The following ZNF326 variants were observed in gnomAD, a reference collection of about 807,000 sequenced individuals.
The protein encoded by ZNF326 is zinc finger protein 326.
A neutral mutation model predicts 63.1 loss-of-function variants in ZNF326; 30 were observed. The ratio of observed to expected loss-of-function variants is 0.48; its 90% CI spans 0.36 to 0.64. The LOEUF (loss-of-function observed/expected upper bound fraction) is 0.64, where lower values mean the gene tolerates loss of function less well. ZNF326 is among the 30% of genes least tolerant of loss of function. ZNF326 has a pLI of 0.00. For synonymous variants in ZNF326, 194 were observed against 228.2 expected (o/e 0.85, Z 1.35); for missense variants, 609 against 720.3 (o/e 0.85, Z 1.77).
chr1:90,020,372 C>G (rs979589172), intron 9 of ZNF326, among the ~76,000 whole-genome samples: 1 of 152,076 alleles, frequency 6.6e-6, no homozygotes, highest in Admixed American at 6.5e-5. Context: ...AAACCCCGGT[C>G]ACCATTTGCA....
Position 90,010,112 on chromosome 1 carries a change from C to T in ZNF326, c.640C>T (p.His214Tyr), listed in dbSNP as rs1649164103. Residue 214 changes from histidine (H) to tyrosine (Y), a missense_variant, in exon 6 of 12, where the codon CAT (histidine) becomes TAT (tyrosine). His to Tyr is a moderately conservative substitution (Grantham distance 83). Coordinates refer to ENST00000340281, the MANE Select transcript of ZNF326 (RefSeq NM_182976.4). ...GCATATGGGTGATTTTGGAAGCATTCATAGACCCGGAATTGTTGTTGACTA... is the reference window on the plus strand; with the variant it reads ...GCATATGGGTGATTTTGGAAGCATTTATAGACCCGGAATTGTTGTTGACTA... ...RGHMGDFGSI[H>Y]RPGIVVDYQN... The T allele has an allele frequency of 3.7e-6, 6 of 1,613,724 alleles. No homozygotes were observed. The highest frequency in any genetic ancestry group is 5.1e-6 in the Non-Finnish European group (6 of 1,179,768).
rs910274563 is a variant in ZNF326, at chr1:90,013,297, A to G, written c.926+60A>G. ...AAAAATGATTTCCTAGAAAAAGCCAACACATCAATTGTAATATTAAAAAGT... is the reference window on the plus strand; with the variant it reads ...AAAAATGATTTCCTAGAAAAAGCCAGCACATCAATTGTAATATTAAAAAGT... On this transcript the variant is annotated intron_variant, in intron 7 of 11. Coordinates refer to ENST00000340281, the MANE Select transcript of ZNF326 (RefSeq NM_182976.4). 5.1e-5 allele frequency: 65 copies of G among 1,272,642 alleles called. No homozygotes were observed. In the Admixed American group the frequency reaches 8.2e-4, roughly 16 times the overall value. 78.8% of individuals were successfully genotyped at this position (1,272,642 alleles called of 1,614,324 possible). A position where few individuals can be genotyped will look rare whatever the true frequency, so the allele number is the denominator to read the frequency against.
intron 7 of ZNF326, among the ~76,000 whole-genome samples, chr1:90,015,617 T>A (rs1223675244): frequency 6.6e-6 from 1 of 151,658 alleles, no homozygotes; most frequent in African/African-American, 2.4e-5. Flanking sequence ...GAGGTGGAGG[T>A]TGCAGTGAGT....
intron 11 of ZNF326, among the ~76,000 whole-genome samples, chr1:90,026,606 A>G (rs753761213): frequency 9.9e-5 from 15 of 152,172 alleles, no homozygotes; most frequent in Non-Finnish European, 2.1e-4. Context: ...CATCTTTTAC[A>G]TTTCCCTGGT....
Position 90,010,286 on chromosome 1 carries a change from A to G in ZNF326, c.814A>G (p.Thr272Ala), listed in dbSNP as rs1649174104. ...GAAGATAAGCCTCAGCAAATCACCC[A>G]GTAAGTAAGAAAACATAATTGCTAT... ...MEKISLSKSPTKTDPKNEEEE... is the reference protein window; with the variant it reads ...MEKISLSKSPAKTDPKNEEEE... The change falls in exon 6 of 12, where the codon ACA becomes GCA. Residue 272 changes from threonine (T) to alanine (A), a missense_variant and splice_region_variant. Around this residue, in one of 3 missense-constraint regions of ZNF326, gnomAD observed 399 missense variants for 444.3 expected, o/e 0.90. Transcript: ENST00000340281. 6.2e-7 allele frequency: 1 copy of G among 1,611,832 alleles called. No homozygotes were observed.
At chr1:90,011,608 A>G (rs1649237461) in intron 6 of ZNF326, among the ~76,000 whole-genome samples, 1 of 148,766 alleles carries the variant, frequency 6.7e-6, no homozygotes, top group African/African-American at 2.5e-5. Flanking sequence ...ACCCACTTGG[A>G]TGGTCATAAT....
intron 10 of ZNF326, among the ~76,000 whole-genome samples, chr1:90,021,951 T>C (rs1222263631): frequency 6.6e-6 from 1 of 152,102 alleles, no homozygotes; most frequent in Non-Finnish European, 1.5e-5. Context: ...TGAAAATTAA[T>C]AGTTGGGGGC....
At chr1:90,021,267 TG>T (rs1386090902) in intron 10 of ZNF326, among the ~76,000 whole-genome samples, 1 of 152,122 alleles carries the variant, frequency 6.6e-6, no homozygotes, top group Non-Finnish European at 1.5e-5. Context: ...AAATAGTGCC[TG>T]GTAATGGTAA....
chr1:90,011,829 T>A (rs1190543019), intron 6 of ZNF326, among the ~76,000 whole-genome samples: 1 of 152,056 alleles, frequency 6.6e-6, no homozygotes, highest in Non-Finnish European at 1.5e-5. Context: ...CCAACAAAAA[T>A]TTATTTATTT....
chr1:90,005,989 C>G (rs1365284171), intron 4 of ZNF326: 1 of 985,300 alleles, frequency 1.0e-6, no homozygotes, highest in Non-Finnish European at 1.2e-6. Context: ...GGGGTGTCTA[C>G]TTTTTGAGGC....
Position 89,995,200 on chromosome 1 carries a change from C to T in ZNF326, c.-58C>T. ...TGTGGAATCGCGGGTCGCGGACGCT[C>T]GCCGCCGGCCATAGCTCAGCCTAGC... On this transcript the variant is annotated 5_prime_UTR_variant, in exon 1 of 12. Coordinates refer to ENST00000340281, the MANE Select transcript of ZNF326 (RefSeq NM_182976.4). 3.9e-6 allele frequency: 6 copies of T among 1,523,254 alleles called. No individual in the cohort carries two copies. The highest frequency in any genetic ancestry group is 5.3e-6 in the Non-Finnish European group (6 of 1,138,322). The allele number at this position is 1,523,254 out of a possible 1,614,324, so 94.4% of individuals were successfully genotyped here.
rs565730891 is a variant in ZNF326, at chr1:90,031,308, T to C, written c.*3607T>C. 6 of 152,210 alleles carry C rather than the reference T, an allele frequency of 3.9e-5. No individual in the cohort carries two copies. Among genetic ancestry groups the C allele is most frequent in the Non-Finnish European group, 8.8e-5 (6 of 68,026 alleles). 9.4% of individuals were successfully genotyped at this position (152,210 alleles called of 1,614,324 possible). On this transcript the variant is annotated 3_prime_UTR_variant, in exon 12 of 12. Transcript: ENST00000340281. ...TACATGTAGAAACAGAGAAAAGAAC[T>C]ACAAAGGTAAATGTTAGTGCATGTT... is the stretch of plus-strand genomic sequence containing the variant.
At position 90,028,611 on chromosome 1, in the gene ZNF326, G is replaced by T. The variant is rs1650133017; in HGVS notation, c.*910G>T. ...CAAGAAGCAGACTTTTCTTTTAAAAGAATTATTTCTCTTTCAAATATTTCT... is the reference window on the plus strand; with the variant it reads ...CAAGAAGCAGACTTTTCTTTTAAAATAATTATTTCTCTTTCAAATATTTCT... On this transcript the variant is annotated 3_prime_UTR_variant, in exon 12 of 12. Coordinates refer to ENST00000340281, the MANE Select transcript of ZNF326 (RefSeq NM_182976.4). 6.6e-6 allele frequency: 1 copy of T among 152,000 alleles called. No individual in the cohort carries two copies. Among genetic ancestry groups the T allele is most frequent in the South Asian group, 2.1e-4 (1 of 4,822 alleles). 9.4% of individuals were successfully genotyped at this position (152,000 alleles called of 1,614,324 possible). A position where few individuals can be genotyped will look rare whatever the true frequency, so the allele number is the denominator to read the frequency against.
At chr1:90,023,435 A>T (rs539176385) in intron 11 of ZNF326, among the ~76,000 whole-genome samples, 1 of 152,274 alleles carries the variant, frequency 6.6e-6, no homozygotes, top group South Asian at 2.1e-4. Flanking sequence ...TTGTCCCTCT[A>T]CCAGTCCTTT....
chr1:89,996,723 G>A (rs1193077381), intron 1 of ZNF326, among the ~76,000 whole-genome samples: 2 of 149,522 alleles, frequency 1.3e-5, no homozygotes, highest in African/African-American at 4.9e-5. Flanking sequence ...TGGGCAACAA[G>A]AGCCAAACTT....
intron 11 of ZNF326, among the ~76,000 whole-genome samples, chr1:90,027,001 G>A (rs1337920918): frequency 2.0e-5 from 3 of 151,932 alleles, no homozygotes; most frequent in Non-Finnish European, 2.9e-5. Flanking sequence ...TAAGCAAAAT[G>A]TAAATCTTTG....
chr1:90,003,361 T>C (rs1051718655), intron 2 of ZNF326, among the ~76,000 whole-genome samples: 6 of 152,178 alleles, frequency 3.9e-5, no homozygotes, highest in Admixed American at 6.5e-5. Flanking sequence ...CTTGATCTCC[T>C]GACCTCGTGA....
rs1186440397 is a variant in ZNF326 at position 90,009,999 on chromosome 1, TTAGTAGA to T, written c.616-84_616-78del. The T allele has an allele frequency of 2.5e-5, 33 of 1,297,048 alleles. No individual in the cohort carries two copies. The East Asian group carries it at 7.9e-4, about 31-fold the overall frequency. 80.3% of individuals were successfully genotyped at this position (1,297,048 alleles called of 1,614,324 possible). The stretch of plus-strand genomic sequence containing the variant: ...ATTCCAGGGAATTTTCAGGTGAAAA[TTAGTAGA>T]TAGTTAACATGAAAATTTTATATGA... On this transcript the variant is annotated intron_variant, in intron 5 of 11. Transcript: ENST00000340281.
Position 89,998,099 on chromosome 1 carries a change from T to C in ZNF326, c.17-11T>C. Reference sequence around the variant, plus strand: ...CACACTAATTCCTTTTTGTTAAATGTGTCTTCATAGATTACACACACTCCG... The same window carrying C: ...CACACTAATTCCTTTTTGTTAAATGCGTCTTCATAGATTACACACACTCCG... On this transcript the variant is annotated splice_polypyrimidine_tract_variant and intron_variant, in intron 1 of 11. Transcript: ENST00000340281. 1.2e-6 allele frequency: 2 copies of C among 1,610,886 alleles called. No individual in the cohort carries two copies. Among genetic ancestry groups the C allele is most frequent in the South Asian group, 2.2e-5 (2 of 90,354 alleles).
Sources: allele counts gnomAD v4.1 joint callset (sites outside exome capture counted in the v4.1 genomes callset), GRCh38; gene constraint gnomAD v4.1.1; regional missense constraint gnomAD v4.1.1; transcripts MANE v1.5; gene names NCBI Gene and HGNC (gene_info 2026-07-23, HGNC 2026-07-21).